PCLO: variants seen among roughly 807,000 people sequenced by gnomAD.
PCLO encodes the protein protein piccolo.
A neutral mutation model predicts 427.5 loss-of-function variants in PCLO; 82 were observed. The observed-to-expected ratio is 0.19, with a 90% CI of 0.16 to 0.23. PCLO has a LOEUF of 0.23. Among genes scored for constraint, PCLO ranks in the 10% least tolerant of loss-of-function variants. The pLI is 1.00. For synonymous variants in PCLO, 2,357 were observed against 2,155.4 expected (o/e 1.09, Z -2.59); for missense variants, 6,239 against 6,115.9 (o/e 1.02, Z -0.67).
chr7:83,143,442 G>A (rs1008138549), intron 2 of PCLO, among the ~76,000 whole-genome samples: 6 of 152,066 alleles, frequency 3.9e-5, no homozygotes, highest in Non-Finnish European at 8.8e-5. Context: ...GAAATTGAAT[G>A]GACATCTCCT....
chr7:83,059,529 G>A (rs1440942033), intron 3 of PCLO, among the ~76,000 whole-genome samples: 10 of 151,420 alleles, frequency 6.6e-5, no homozygotes, highest in Non-Finnish European at 2.9e-5. Context: ...ATAGACAAGA[G>A]TGACTATAAA....
At chr7:83,116,053 T>C (rs535971680) in intron 3 of PCLO, among the ~76,000 whole-genome samples, 1 of 152,044 alleles carries the variant, frequency 6.6e-6, no homozygotes, top group Non-Finnish European at 1.5e-5. Context: ...TTATTTCAAT[T>C]AAATGGATGT....
At position 83,155,636 on chromosome 7, in the gene PCLO, G is replaced by A. The variant is rs1270547223; in HGVS notation, c.1005C>T (p.Pro335=). Residue 335 remains proline, a synonymous_variant, in exon 2 of 25, where the codon CCC becomes CCT. Coordinates refer to ENST00000333891, the MANE Select transcript of PCLO (RefSeq NM_033026.6). ...QPGPAKPPAQ[P]SGLTKPLAQQ... Reference sequence around the variant, plus strand: ...GAGCCAATGGCTTTGTTAGCCCTGAGGGCTGAGCTGGGGGCTTTGCAGGCC... The same window carrying A: ...GAGCCAATGGCTTTGTTAGCCCTGAAGGCTGAGCTGGGGGCTTTGCAGGCC... 1.2e-6 allele frequency: 2 copies of A among 1,608,678 alleles called. No individual in the cohort carries two copies. The highest frequency in any genetic ancestry group is 1.1e-5 in the South Asian group (1 of 90,226).
intron 6 of PCLO, among the ~76,000 whole-genome samples, chr7:82,938,029 T>A (rs1376798667): frequency 1.3e-5 from 2 of 151,826 alleles, no homozygotes; most frequent in African/African-American, 4.8e-5. Context: ...TAAGGTCTAT[T>A]TGGATGACAA....
At chr7:82,945,525 G>T (rs1036970102) in intron 6 of PCLO, among the ~76,000 whole-genome samples, 7 of 152,120 alleles carry the variant, frequency 4.6e-5, no homozygotes, top group Non-Finnish European at 1.0e-4. Flanking sequence ...AAATCAATAT[G>T]GTAGTATCCT....
chr7:82,908,330 G>A (rs1794240619), intron 8 of PCLO, among the ~76,000 whole-genome samples: 1 of 152,036 alleles, frequency 6.6e-6, no homozygotes, highest in African/African-American at 2.4e-5. Flanking sequence ...AGAATACACT[G>A]ATTAGCAATA....
At position 82,845,120 on chromosome 7, in the gene PCLO, A is replaced by C. The variant is rs1410258255; in HGVS notation, c.14046+151T>G. 43 of 627,036 alleles carry C rather than the reference A, an allele frequency of 6.9e-5. 1 individual carries two copies. In the South Asian group the frequency reaches 7.1e-4, roughly 10 times the overall value. 38.8% of individuals were successfully genotyped at this position (627,036 alleles called of 1,614,324 possible). A position where few individuals can be genotyped will look rare whatever the true frequency, so the allele number is the denominator to read the frequency against. ...ACATCTTGATCAGTTTTGTACTCAG[A>C]AGAGAAAAAATGTTTCTTGTTTTGA... is the stretch of plus-strand genomic sequence containing the variant. On this transcript the variant is annotated intron_variant, in intron 13 of 24. Coordinates refer to ENST00000333891, the MANE Select transcript of PCLO (RefSeq NM_033026.6).
chr7:82,902,597 A>C (rs1794072050), intron 9 of PCLO, 54 bp downstream of exon 9: 1 of 1,018,756 alleles, frequency 9.8e-7, no homozygotes, highest in African/African-American at 1.6e-5. Context: ...TGCAAAACAA[A>C]ACAAAACAAA....
intron 13 of PCLO, among the ~76,000 whole-genome samples, chr7:82,842,290 A>G (rs546114578): frequency 6.6e-6 from 1 of 152,270 alleles, no homozygotes; most frequent in Admixed American, 6.5e-5. Context: ...CATAATGGGC[A>G]AAGGATAGTC....
chr7:82,958,396 CCTT>C (rs1039599708), intron 4 of PCLO, among the ~76,000 whole-genome samples: 7 of 151,570 alleles, frequency 4.6e-5, no homozygotes, highest in East Asian at 3.9e-4. Flanking sequence ...TTCCCTCCCT[CCTT>C]CTTTTCTTCT....
In PCLO at chr7:83,002,903, A is replaced by G. The variant is rs563092493; in HGVS notation, c.3301-36416T>C. On this transcript the variant is annotated intron_variant, in intron 3 of 24. Coordinates refer to ENST00000333891, the MANE Select transcript of PCLO (RefSeq NM_033026.6). ...AGAGATTAAAAATAACAATATTAACATAATATATTTTCCCTATTTATATTA... is the reference window on the plus strand; with the variant it reads ...AGAGATTAAAAATAACAATATTAACGTAATATATTTTCCCTATTTATATTA... Among the ~76,000 whole-genome samples the G allele has an allele frequency of 1.9e-4, 29 of 151,836 alleles. No individual in the cohort carries two copies. In the South Asian group the frequency reaches 5.8e-3, roughly 30 times the overall value.
chr7:82,794,035 G>A (rs531736648), intron 22 of PCLO, among the ~76,000 whole-genome samples: 1 of 152,146 alleles, frequency 6.6e-6, no homozygotes, highest in South Asian at 2.1e-4. Context: ...AAATTTCAAA[G>A]GCATTAATTA....
At chr7:82,794,475 T>G (rs1411615146) in intron 22 of PCLO, among the ~76,000 whole-genome samples, 3 of 105,458 alleles carry the variant, frequency 2.8e-5, no homozygotes, top group Admixed American at 9.6e-5. Context: ...TTTTTTTTTT[T>G]TTTTTTTTTT....
At chr7:83,035,622 C>G (rs1194272890) in intron 3 of PCLO, among the ~76,000 whole-genome samples, 2 of 151,892 alleles carry the variant, frequency 1.3e-5, no homozygotes, top group Non-Finnish European at 2.9e-5. Flanking sequence ...TTTTTAAAAT[C>G]CAGTCTTGAT....
intron 3 of PCLO, among the ~76,000 whole-genome samples, chr7:83,097,047 T>C (rs1313661402): frequency 1.5e-5 from 1 of 65,158 alleles, no homozygotes; most frequent in Non-Finnish European, 2.5e-5. Context: ...TTATATATTA[T>C]ATAAATATAT....
Position 83,135,272 on chromosome 7 carries a change from C to A in PCLO, c.2278G>T (p.Val760Leu), listed in dbSNP as rs1334371029. ...ADDKPKQPKM[V>L]KPTTDLVSSS... ...GATACAAGGTCAGTGGTTGGCTTTACCATCTTGGGCTGCTTTGGTTTATCA... is the reference window on the plus strand; with the variant it reads ...GATACAAGGTCAGTGGTTGGCTTTAACATCTTGGGCTGCTTTGGTTTATCA... The change falls in exon 3 of 25, where the codon GTA becomes TTA. Residue 760 changes from valine to leucine, a missense_variant. Physicochemically the swap from Val to Leu is conservative, Grantham distance 32. Coordinates refer to ENST00000333891, the MANE Select transcript of PCLO (RefSeq NM_033026.6). 1 of 1,613,818 alleles carries A rather than the reference C, an allele frequency of 6.2e-7. No individual in the cohort carries two copies. Among genetic ancestry groups the A allele is most frequent in the African/African-American group, 1.3e-5 (1 of 74,978 alleles).
rs1244252877 is a variant in PCLO at position 83,155,513 on chromosome 7, A to G, written c.1128T>C (p.Thr376=). 6.2e-7 allele frequency: 1 copy of G among 1,612,800 alleles called. No individual in the cohort carries two copies. The highest frequency in any genetic ancestry group is 1.7e-5 in the Admixed American group (1 of 59,830). Residue 376 remains threonine (T), a synonymous_variant, in exon 2 of 25, where the codon ACT becomes ACC. Coordinates refer to ENST00000333891, the MANE Select transcript of PCLO (RefSeq NM_033026.6). The part of the protein sequence containing the change: ...LGPAKPPAQQ[T]GSEKPSSEQP... ...GCTCCGATGAAGGCTTCTCTGACCC[A>G]GTCTGCTGAGCTGGAGGCTTAGCAG...
At chr7:83,140,632 G>A (rs780708600) in intron 2 of PCLO, among the ~76,000 whole-genome samples, 48 of 152,274 alleles carry the variant, frequency 3.2e-4, no homozygotes, top group South Asian at 1.5e-3. Context: ...TGTTTACTGT[G>A]AATCTCCCAC....
intron 10 of PCLO, among the ~76,000 whole-genome samples, chr7:82,869,596 T>G (rs1248999514): frequency 6.6e-6 from 1 of 152,024 alleles, no homozygotes; most frequent in Non-Finnish European, 1.5e-5. Context: ...AATATAAAGA[T>G]GTTACAATTA....
Sources: allele counts gnomAD v4.1 joint callset (sites outside exome capture counted in the v4.1 genomes callset), GRCh38; gene constraint gnomAD v4.1.1; transcripts MANE v1.5; gene names NCBI Gene and HGNC (gene_info 2026-07-23, HGNC 2026-07-21).